ZDHHC24: variants seen among roughly 807,000 people sequenced by gnomAD.
The protein encoded by ZDHHC24 is probable palmitoyltransferase ZDHHC24.
In ZDHHC24, 17 loss-of-function variants were observed where a neutral mutation model predicts 23.2. That is an observed-to-expected ratio of 0.73 (90% CI 0.50 to 1.10). The LOEUF (loss-of-function observed/expected upper bound fraction) is 1.10, where lower values mean the gene tolerates loss of function less well. Ranked by LOEUF, ZDHHC24 falls within the 50% of genes least tolerant of loss-of-function variation. The pLI, the probability that ZDHHC24 is intolerant of heterozygous loss-of-function variation, is 0.00. For synonymous variants in ZDHHC24, 186 were observed against 194.5 expected, an observed-to-expected ratio of 0.96 and a Z score of 0.36; for missense variants, 366 against 393.0, an observed-to-expected ratio of 0.93 and a Z score of 0.58.
intron 4 of ZDHHC24, chr11:66,523,653 C>G: frequency 6.2e-7 from 1 of 1,611,136 alleles, no homozygotes; most frequent in Non-Finnish European, 8.5e-7. Context: ...CCTCTGGCTT[C>G]CCCACCCCAG....
At chr11:66,535,463 C>A (rs998036769), downstream of ZDHHC24, among the ~76,000 whole-genome samples, 3 of 151,966 alleles carry the variant, frequency 2.0e-5, no homozygotes, top group Non-Finnish European at 4.4e-5. Flanking sequence ...GCCTCAGCCT[C>A]CCAAAGTGTG....
rs368802344 is a variant in ZDHHC24 at position 66,539,701 on chromosome 11, C to T, written c.683G>A (p.Trp228Ter). The change falls in exon 3 of 3, where the codon TGG (tryptophan) becomes TAG (stop). Residue 228 changes from tryptophan (W) to a stop codon, truncating the protein, a stop_gained. Coordinates refer to ENST00000310442, the MANE Select transcript of ZDHHC24 (RefSeq NM_207340.3). LOFTEE classifies it high-confidence loss of function. ...GMLLLRGQTT[W>*]EWARGQHSYD... is the part of the protein sequence containing the mutation. ...GGAGTGCTGGCCCCGAGCCCACTCC[C>T]ATGTGGTCTGGCCCCGCAGCAGCAG... The T allele has an allele frequency of 1.4e-5, 23 of 1,612,032 alleles. No individual in the cohort carries two copies. The highest frequency in any genetic ancestry group is 1.9e-5 in the Non-Finnish European group (22 of 1,179,660).
Position 66,523,386 on chromosome 11 carries a change from CAG to C in ZDHHC24, c.*22-1922_*22-1921del. 3.7e-6 allele frequency: 6 copies of C among 1,610,924 alleles called. No individual in the cohort carries two copies. In the South Asian group the frequency reaches 6.6e-5, roughly 18 times the overall value. ...CCCAGGTGAGTCCATGAGGTTTAGA[CAG>C]AGGAGGGTCAGCCATAGAAGTGGAG... is the stretch of plus-strand genomic sequence containing the variant. On this transcript the variant is annotated intron_variant, in intron 4 of 4. Coordinates refer to the ZDHHC24 transcript ENST00000526986.
At position 66,546,016 on chromosome 11, in the gene ZDHHC24, C is replaced by A; in HGVS notation, c.-13G>T. On this transcript the variant is annotated 5_prime_UTR_variant, in exon 1 of 3. Coordinates refer to ENST00000310442, the MANE Select transcript of ZDHHC24 (RefSeq NM_207340.3). The stretch of plus-strand genomic sequence containing the variant: ...AGGGCTGCCCCATGGCCTGGACACC[C>A]AGCTGTCGGAGCCGGAGGACTAGGC... The A allele has an allele frequency of 7.2e-7, 1 of 1,383,700 alleles. No individual in the cohort carries two copies. 85.7% of individuals were successfully genotyped at this position (1,383,700 alleles called of 1,614,324 possible).
At chr11:66,522,661 T>A (rs1352340701) in intron 4 of ZDHHC24, among the ~76,000 whole-genome samples, 1 of 152,188 alleles carries the variant, frequency 6.6e-6, no homozygotes, top group Non-Finnish European at 1.5e-5. Context: ...TGCATTTTTT[T>A]AATTCAATAA....
At chr11:66,530,040 G>T in intron 2 of ZDHHC24, 1 of 1,527,440 alleles carries the variant, frequency 6.5e-7, no homozygotes. Flanking sequence ...CTAAGCCCCA[G>T]AGCCAATTCC....
At chr11:66,532,225 G>A (rs867153954), downstream of ZDHHC24, 8 of 630,618 alleles carry the variant, frequency 1.3e-5, no homozygotes, top group South Asian at 7.8e-5. Context: ...TACCTAGGGC[G>A]GCTCAACTCC....
chr11:66,521,965 TC>T (rs915109915), intron 4 of ZDHHC24, among the ~76,000 whole-genome samples: 4 of 134,978 alleles, frequency 3.0e-5, no homozygotes, highest in Admixed American at 2.3e-4. Flanking sequence ...ACGCCTGTAA[TC>T]CCAGCACTTT....
In ZDHHC24 at chr11:66,526,519, AAC is replaced by A; in HGVS notation, c.*21+415_*21+416del. 4.3e-6 allele frequency: 5 copies of A among 1,164,584 alleles called. No individual in the cohort carries two copies. The South Asian group carries it at 5.0e-5, about 12-fold the overall frequency. The allele number at this position is 1,164,584 out of a possible 1,614,324, so 72.1% of individuals were successfully genotyped here. On this transcript the variant is annotated intron_variant, in intron 4 of 4. Coordinates refer to the ZDHHC24 transcript ENST00000526986. The stretch of plus-strand genomic sequence containing the variant: ...TAAGATGCACTTTGTTACTTCCAGA[AAC>A]AGTCTCGTCTGGAAGACGGATGTGT...
intron 2 of ZDHHC24, among the ~76,000 whole-genome samples, chr11:66,543,054 G>A (rs544518892): frequency 5.9e-5 from 9 of 152,280 alleles, no homozygotes; most frequent in African/African-American, 1.7e-4. Context: ...AAGGTCAGGA[G>A]GAAGGAATGG....
chr11:66,524,587 G>A (rs577176866), intron 4 of ZDHHC24, among the ~76,000 whole-genome samples: 5 of 152,272 alleles, frequency 3.3e-5, no homozygotes, highest in African/African-American at 1.2e-4. Context: ...AATGGAGGAA[G>A]AACATTCTGC....
chr11:66,541,478 C>T (rs577773449), intron 2 of ZDHHC24, among the ~76,000 whole-genome samples: 4 of 151,466 alleles, frequency 2.6e-5, no homozygotes, highest in Non-Finnish European at 4.4e-5. Flanking sequence ...AGCAGGTGGA[C>T]GGTCTGCAGG....
intron 3 of ZDHHC24, among the ~76,000 whole-genome samples, chr11:66,528,812 C>T (rs1856627714): frequency 6.6e-6 from 1 of 151,692 alleles, no homozygotes; most frequent in Admixed American, 6.6e-5. Flanking sequence ...CTACTAAATA[C>T]AAAAAATTAG....
At position 66,539,396 on chromosome 11, in the gene ZDHHC24, G is replaced by A; in HGVS notation, c.*133C>T. The A allele has an allele frequency of 1.5e-6, 2 of 1,374,528 alleles. No individual in the cohort carries two copies. The highest frequency in any genetic ancestry group is 1.9e-6 in the Non-Finnish European group (2 of 1,067,162). The allele number at this position is 1,374,528 out of a possible 1,614,324, so 85.1% of individuals were successfully genotyped here. ...GGACACGTAGGAGTGTAGGCGGGCA[G>A]GGGCAAGGCCAAGGAAGGGGTGGAG... On this transcript the variant is annotated 3_prime_UTR_variant, in exon 3 of 3. Coordinates refer to ENST00000310442, the MANE Select transcript of ZDHHC24 (RefSeq NM_207340.3).
rs759275651 is a variant in ZDHHC24, at chr11:66,526,133, C to G, written c.*21+803G>C. On this transcript the variant is annotated intron_variant, in intron 4 of 4. Coordinates refer to the ZDHHC24 transcript ENST00000526986. ...GACGTCTCCACATAGGATGCAGTGA[C>G]CAGCCTTTGCTTTGGCCGGTACGGG... 8 of 1,614,114 alleles carry G rather than the reference C, an allele frequency of 5.0e-6. No individual in the cohort carries two copies. The East Asian group carries it at 1.6e-4, about 31-fold the overall frequency.
intron 2 of ZDHHC24, 151 bp downstream of exon 2, chr11:66,543,553 G>C: frequency 1.0e-6 from 1 of 991,948 alleles, no homozygotes; most frequent in Non-Finnish European, 1.4e-6. Context: ...CTGCACCCCC[G>C]GGTGAATACC....
intron 2 of ZDHHC24, among the ~76,000 whole-genome samples, chr11:66,530,503 C>T (rs1442270147): frequency 6.6e-6 from 1 of 152,172 alleles, no homozygotes; most frequent in Non-Finnish European, 1.5e-5. Context: ...TCTGAGTTCT[C>T]TTTTCCTAAA....
rs1856969693 is a variant in ZDHHC24 at position 66,536,494 on chromosome 11, A to G, written c.*3035T>C. On this transcript the variant is annotated 3_prime_UTR_variant, in exon 3 of 3. Coordinates refer to ENST00000310442, the MANE Select transcript of ZDHHC24 (RefSeq NM_207340.3). ...TCGCTTGAACCCAGGAAGTGAGCCA[A>G]GATCGCGCCATTGCACTCCAGCTTG... 6.5e-6 allele frequency: 1 copy of G among 154,104 alleles called. No individual in the cohort carries two copies. The highest frequency in any genetic ancestry group is 6.6e-5 in the Admixed American group (1 of 15,260). The allele number at this position is 154,104 out of a possible 1,614,324, so 9.5% of individuals were successfully genotyped here.
In ZDHHC24 at chr11:66,539,608, C is replaced by T; in HGVS notation, c.776G>A (p.Trp259Ter). 1 of 1,613,134 alleles carries T rather than the reference C, an allele frequency of 6.2e-7. No individual in the cohort carries two copies. Residue 259 changes from tryptophan to a stop codon, truncating the protein, a stop_gained, in exon 3 of 3, where the codon TGG becomes TAG. Coordinates refer to ENST00000310442, the MANE Select transcript of ZDHHC24 (RefSeq NM_207340.3). LOFTEE classifies it high-confidence loss of function. ...LGPRWALVWL[W>*]PFLASPLPGD... ...AGGCAATGGGGAGGCCAGGAAGGGC[C>T]AGAGCCAGACGAGGGCCCAGCGGGG... is the stretch of plus-strand genomic sequence containing the variant.
Sources: allele counts gnomAD v4.1 joint callset (sites outside exome capture counted in the v4.1 genomes callset), GRCh38; gene constraint gnomAD v4.1.1; transcripts MANE v1.5; gene names NCBI Gene and HGNC (gene_info 2026-07-23, HGNC 2026-07-21).